ATP6V1C1: variants seen among roughly 807,000 people sequenced by gnomAD.
ATP6V1C1 encodes the protein V-type proton ATPase subunit C 1.
In ATP6V1C1, 45 loss-of-function variants were observed where a neutral mutation model predicts 53.9. The observed-to-expected ratio is 0.83, with a 90% confidence interval of 0.66 to 1.07. The LOEUF (loss-of-function observed/expected upper bound fraction) is 1.07, where lower values mean the gene tolerates loss of function less well. ATP6V1C1 is among the 50% of genes least tolerant of loss of function. The pLI is 0.00. For synonymous variants in ATP6V1C1, 153 were observed against 155.2 expected (o/e 0.99, Z 0.11); for missense variants, 315 against 440.3 (o/e 0.72, Z 2.55).
intron 4 of ATP6V1C1, among the ~76,000 whole-genome samples, chr8:103,049,780 C>T (rs7002904): frequency 0.062 from 9,457 of 151,842 alleles, 972 homozygotes; most frequent in African/African-American, 0.21. Flanking sequence ...CTAAAAAACC[C>T]AAACAAAAAT....
At chr8:103,040,240 C>T (rs889394679) in intron 1 of ATP6V1C1, among the ~76,000 whole-genome samples, 3 of 151,528 alleles carry the variant, frequency 2.0e-5, no homozygotes, top group Non-Finnish European at 4.4e-5. Context: ...ATGGCAAAAA[C>T]CTGTCTCTAC....
intron 1 of ATP6V1C1, among the ~76,000 whole-genome samples, chr8:103,038,207 C>T (rs570573467): frequency 1.3e-5 from 2 of 152,296 alleles, no homozygotes; most frequent in South Asian, 4.1e-4. Flanking sequence ...AAAATGGCCT[C>T]AGTCACATGT....
chr8:103,027,418 A>G (rs1380969691), intron 1 of ATP6V1C1, among the ~76,000 whole-genome samples: 5 of 152,154 alleles, frequency 3.3e-5, no homozygotes, highest in East Asian at 1.9e-4. Context: ...GGTTGCCCCT[A>G]TCTTGGGTCA....
chr8:103,064,626 C>G, intron 10 of ATP6V1C1, 88 bp from the exon 11 acceptor site: 1 of 975,216 alleles, frequency 1.0e-6, no homozygotes, highest in Non-Finnish European at 1.5e-6. Flanking sequence ...CTATAGATTC[C>G]TAATAGGTAG....
At chr8:103,021,815 C>T (rs1001937599) in intron 1 of ATP6V1C1, among the ~76,000 whole-genome samples, 1 of 151,998 alleles carries the variant, frequency 6.6e-6, no homozygotes, top group Non-Finnish European at 1.5e-5. Flanking sequence ...CAAAACAGAA[C>T]AAAACAAAAC....
intron 4 of ATP6V1C1, among the ~76,000 whole-genome samples, chr8:103,049,868 G>A (rs1172808725): frequency 1.3e-5 from 2 of 152,056 alleles, no homozygotes; most frequent in African/African-American, 4.8e-5. Flanking sequence ...GAGGAGGGGG[G>A]ATTGCTTGAG....
chr8:103,031,539 T>G (rs1214923876), intron 1 of ATP6V1C1, among the ~76,000 whole-genome samples: 1 of 152,074 alleles, frequency 6.6e-6, no homozygotes, highest in Non-Finnish European at 1.5e-5. Context: ...GATAACTTCT[T>G]ACTATGGGGA....
chr8:103,067,820 G>A (rs1817521953), intron 12 of ATP6V1C1, among the ~76,000 whole-genome samples: 1 of 151,798 alleles, frequency 6.6e-6, no homozygotes. Flanking sequence ...CCTGACCTCA[G>A]GTGATCCGCC....
At chr8:103,038,161 G>A (rs992638735) in intron 1 of ATP6V1C1, among the ~76,000 whole-genome samples, 8 of 152,150 alleles carry the variant, frequency 5.3e-5, no homozygotes, top group East Asian at 1.9e-4. Flanking sequence ...TGATGCAGCC[G>A]CATTCAGCTG....
intron 1 of ATP6V1C1, among the ~76,000 whole-genome samples, chr8:103,034,524 T>G (rs1292504991): frequency 6.6e-6 from 1 of 152,126 alleles, no homozygotes; most frequent in African/African-American, 2.4e-5. Flanking sequence ...CAAAGATAAA[T>G]TTTGTTTGAA....
intron 10 of ATP6V1C1, among the ~76,000 whole-genome samples, chr8:103,064,358 TTA>T (rs1270454671): frequency 2.0e-5 from 3 of 152,224 alleles, no homozygotes; most frequent in African/African-American, 7.2e-5. Flanking sequence ...ATTAAATGTT[TTA>T]GAGTGTTGTG....
At chr8:103,033,396 C>G (rs528637126) in intron 1 of ATP6V1C1, among the ~76,000 whole-genome samples, 145 of 152,236 alleles carry the variant, frequency 9.5e-4, no homozygotes, top group Non-Finnish European at 1.7e-3. Context: ...CAACTATAAT[C>G]CAGGTGCTTG....
At chr8:103,038,399 C>A (rs1466229123) in intron 1 of ATP6V1C1, among the ~76,000 whole-genome samples, 1 of 152,146 alleles carries the variant, frequency 6.6e-6, no homozygotes, top group Non-Finnish European at 1.5e-5. Context: ...AAGGCCAGCT[C>A]CACCTTTTGA....
At chr8:103,030,173 A>G (rs964257654) in intron 1 of ATP6V1C1, among the ~76,000 whole-genome samples, 1 of 151,822 alleles carries the variant, frequency 6.6e-6, no homozygotes, top group Non-Finnish European at 1.5e-5. Context: ...AAAAATGAAC[A>G]TTTTTCCTTG....
At chr8:103,031,857 T>C (rs561910365) in intron 1 of ATP6V1C1, among the ~76,000 whole-genome samples, 1 of 151,812 alleles carries the variant, frequency 6.6e-6, no homozygotes, top group African/African-American at 2.4e-5. Context: ...GCAAAAAAAA[T>C]TGAGGAAAAA....
chr8:103,056,164 T>C (rs1817285866), intron 8 of ATP6V1C1, among the ~76,000 whole-genome samples: 1 of 152,180 alleles, frequency 6.6e-6, no homozygotes, highest in African/African-American at 2.4e-5. Context: ...GAGGTATTAA[T>C]AGTTTGCCCA....
intron 11 of ATP6V1C1, among the ~76,000 whole-genome samples, chr8:103,066,024 G>A (rs1453191750): frequency 6.6e-6 from 1 of 151,904 alleles, no homozygotes; most frequent in African/African-American, 2.4e-5. Flanking sequence ...CCTGGCAACA[G>A]TAAGAATCCG....
chr8:103,034,073 G>A (rs2131384643), intron 1 of ATP6V1C1, among the ~76,000 whole-genome samples: 1 of 152,164 alleles, frequency 6.6e-6, no homozygotes, highest in South Asian at 2.1e-4. Flanking sequence ...TGCTGCAGAG[G>A]GCCCTGGGCT....
intron 1 of ATP6V1C1, among the ~76,000 whole-genome samples, chr8:103,037,346 A>T (rs1563602542): frequency 6.6e-6 from 1 of 152,080 alleles, no homozygotes; most frequent in Non-Finnish European, 1.5e-5. Context: ...TTTAAAAATA[A>T]AAATAATTAA....
Sources: allele counts gnomAD v4.1 joint callset (sites outside exome capture counted in the v4.1 genomes callset), GRCh38; gene constraint gnomAD v4.1.1; transcripts MANE v1.5; gene names NCBI Gene and HGNC (gene_info 2026-07-23, HGNC 2026-07-21).